KLF7: variants seen among roughly 807,000 people sequenced by gnomAD.
KLF7 encodes the protein KLF transcription factor 7.
A neutral mutation model predicts 27.3 loss-of-function variants in KLF7; 2 were observed. The observed-to-expected ratio is 0.07, with a 90% CI of 0.03 to 0.23. KLF7 has a LOEUF of 0.23. Among genes scored for constraint, KLF7 ranks in the 10% least tolerant of loss-of-function variants. The pLI, the probability that KLF7 is intolerant of heterozygous loss-of-function variation, is 1.00. For missense variants in KLF7, 221 were observed against 394.1 expected (o/e 0.56, Z 3.72); for synonymous variants, 165 against 162.4 (o/e 1.02, Z -0.12).
At chr2:207,082,156 G>C (rs2076287637) in intron 3 of KLF7, among the ~76,000 whole-genome samples, 1 of 152,118 alleles carries the variant, frequency 6.6e-6, no homozygotes, top group Non-Finnish European at 1.5e-5. Flanking sequence ...ATATTCTCTT[G>C]GGTACCAACC....
intron 1 of KLF7, among the ~76,000 whole-genome samples, chr2:207,157,243 A>G (rs1345797965): frequency 4.1e-5 from 5 of 123,110 alleles, no homozygotes; most frequent in Non-Finnish European, 9.0e-5. Flanking sequence ...AAAAAAAAAG[A>G]AAAGCTTTAT....
At chr2:207,129,256 A>C (rs1261519294) in intron 1 of KLF7, among the ~76,000 whole-genome samples, 1 of 152,194 alleles carries the variant, frequency 6.6e-6, no homozygotes, top group Non-Finnish European at 1.5e-5. Context: ...TCCAAATCGG[A>C]GTCAGCGAAT....
chr2:207,149,011 C>T, intron 1 of KLF7: 2 of 1,163,772 alleles, frequency 1.7e-6, no homozygotes, highest in Non-Finnish European at 2.2e-6. Flanking sequence ...TCCTTTTGTT[C>T]AAGACAACAA....
intron 1 of KLF7, chr2:207,149,184 T>C: frequency 1.6e-6 from 2 of 1,285,584 alleles, no homozygotes; most frequent in Non-Finnish European, 2.0e-6. Flanking sequence ...TTTTTGGAGA[T>C]GATCTTCAAT....
intron 2 of KLF7, among the ~76,000 whole-genome samples, chr2:207,101,912 T>C (rs2076773450): frequency 6.6e-6 from 1 of 152,154 alleles, no homozygotes; most frequent in Non-Finnish European, 1.5e-5. Flanking sequence ...CTTATTCACC[T>C]TAGTATTCCC....
intron 1 of KLF7, among the ~76,000 whole-genome samples, chr2:207,130,974 G>T (rs1331043904): frequency 6.6e-6 from 1 of 152,204 alleles, no homozygotes; most frequent in Non-Finnish European, 1.5e-5. Flanking sequence ...GTCATTTGTG[G>T]TCCTTTAGCC....
In KLF7 at chr2:207,080,705, C is replaced by T; in HGVS notation, c.*508G>A. The T allele has an allele frequency of 2.5e-6, 1 of 397,898 alleles. No homozygotes were observed. The allele number at this position is 397,898 out of a possible 1,614,324, so 24.6% of individuals were successfully genotyped here. On this transcript the variant is annotated 3_prime_UTR_variant, in exon 4 of 4. Coordinates refer to ENST00000309446, the MANE Select transcript of KLF7 (RefSeq NM_003709.4). ...GGCTACCAAACTGCAATTTGGTTTT[C>T]TAGGTCATTTTCCCCCAACTATTTA...
At chr2:207,157,219 T>TAAAAAAAAAAAAAA (rs5838052) in intron 1 of KLF7, among the ~76,000 whole-genome samples, 8 of 87,308 alleles carry the variant, frequency 9.2e-5, no homozygotes, top group Admixed American at 2.5e-4. Context: ...AACAGAAAAG[T>TAAAAAAAAAAAAAA]AAAAAAAAAA....
intron 2 of KLF7, among the ~76,000 whole-genome samples, chr2:207,119,456 A>G (rs1285431665): frequency 2.0e-5 from 2 of 102,188 alleles, no homozygotes; most frequent in Non-Finnish European, 4.8e-5. Flanking sequence ...GAGAATGAGC[A>G]TAGTTTTTTT....
At chr2:207,171,386 T>C (rs559692610), upstream of KLF7, among the ~76,000 whole-genome samples, 6 of 152,240 alleles carry the variant, frequency 3.9e-5, no homozygotes, top group South Asian at 1.2e-3. Context: ...CTTAGAATAT[T>C]ATTATACATA....
rs529535997 is a variant in KLF7, at chr2:207,083,525, C to T, written c.858-2261G>A. Among the ~76,000 whole-genome samples, 344 of 152,296 alleles carry T rather than the reference C, an allele frequency of 2.3e-3. 2 individuals carry two copies. Among genetic ancestry groups the T allele is most frequent in the Non-Finnish European group, 1.8e-3 (121 of 68,018 alleles). ...GAGGATTTGAACACAGGCAGTCTGA[C>T]GCCAGAGCCCACACTCTTAGTCACA... On this transcript the variant is annotated intron_variant, in intron 3 of 3. Transcript: ENST00000309446.
intron 1 of KLF7, among the ~76,000 whole-genome samples, chr2:207,154,127 T>C (rs983890954): frequency 1.3e-5 from 2 of 152,172 alleles, no homozygotes; most frequent in Non-Finnish European, 2.9e-5. Flanking sequence ...GTGCTTCCAT[T>C]ATGTCTTATT....
chr2:207,126,727 C>T (rs539620004), intron 1 of KLF7, among the ~76,000 whole-genome samples: 294 of 151,570 alleles, frequency 1.9e-3, no homozygotes, highest in African/African-American at 6.8e-3. Flanking sequence ...CACTTAAGCC[C>T]GGGAGTTCAA....
intron 1 of KLF7, among the ~76,000 whole-genome samples, chr2:207,148,402 G>C (rs1157611664): frequency 1.3e-5 from 2 of 152,162 alleles, no homozygotes; most frequent in East Asian, 3.9e-4. Context: ...CACAGCAAGA[G>C]AGGCTCCTCC....
chr2:207,168,578 G>T (rs148045886), upstream of KLF7, among the ~76,000 whole-genome samples: 10 of 152,296 alleles, frequency 6.6e-5, no homozygotes, highest in East Asian at 1.9e-3. Context: ...TACAAAAATT[G>T]CTTGGGTGGG....
At chr2:207,106,893 C>T (rs2076897598) in intron 2 of KLF7, among the ~76,000 whole-genome samples, 1 of 152,122 alleles carries the variant, frequency 6.6e-6, no homozygotes. Flanking sequence ...GAAATGCCAG[C>T]ATAATGCTGC....
At chr2:207,119,697 A>AT (rs1162664014) in intron 2 of KLF7, among the ~76,000 whole-genome samples, 15 of 151,938 alleles carry the variant, frequency 9.9e-5, no homozygotes, top group Admixed American at 7.9e-4. Context: ...CCATATGTCC[A>AT]TTTTTTTTAA....
chr2:207,144,168 G>GA (rs1176457671), intron 1 of KLF7, among the ~76,000 whole-genome samples: 5,546 of 64,570 alleles, frequency 0.086, 373 homozygotes, highest in African/African-American at 0.29. Context: ...GCGGGGGGGA[G>GA]AAAAAAAAAA....
chr2:207,099,550 C>CTATATATA (rs1359258095), intron 2 of KLF7, among the ~76,000 whole-genome samples: 6 of 22,844 alleles, frequency 2.6e-4, no homozygotes, highest in Non-Finnish European at 3.6e-4. Context: ...GCTACATATG[C>CTATATATA]GATATATATA....
Sources: gnomAD v4.1 joint callset for allele counts (sites outside exome capture counted in the v4.1 genomes callset) on GRCh38, gnomAD v4.1.1 for gene constraint, MANE v1.5 for transcripts, NCBI Gene and HGNC (gene_info 2026-07-23, HGNC 2026-07-21) for gene names.